Variants in RGS6 observed in about 807,000 individuals in gnomAD.
RGS6 encodes the protein regulator of G-protein signaling 6.
A neutral mutation model predicts 78.5 loss-of-function variants in RGS6; 30 were observed. That is an observed-to-expected ratio of 0.38 (90% CI 0.29 to 0.52). The LOEUF (loss-of-function observed/expected upper bound fraction) is 0.52, where lower values mean the gene tolerates loss of function less well. Among genes scored for constraint, RGS6 ranks in the 20% least tolerant of loss-of-function variants. RGS6 has a pLI of 0.85. For synonymous variants in RGS6, 206 were observed against 206.0 expected (o/e 1.00, Z 0.00); for missense variants, 495 against 609.7 (o/e 0.81, Z 1.98).
In RGS6 at chr14:72,460,122, A is replaced by T. The variant is rs56897907; in HGVS notation, c.394+439A>T. Among the ~76,000 whole-genome samples, 1,014 of 152,302 alleles carry T rather than the reference A, an allele frequency of 6.7e-3. 11 individuals carry two copies. Among genetic ancestry groups the T allele is most frequent in the African/African-American group, 0.023 (958 of 41,564 alleles). On this transcript the variant is annotated intron_variant, in intron 6 of 17. Transcript: ENST00000553525. The stretch of plus-strand genomic sequence containing the variant: ...CTAAGAACCTTTTGGTGTTCTTGAC[A>T]GTTGCAATTTAGAAAAGAGACAGAG...
At chr14:72,011,780 G>C (rs898652057) in intron 2 of RGS6, among the ~76,000 whole-genome samples, 5 of 151,994 alleles carry the variant, frequency 3.3e-5, no homozygotes, top group Non-Finnish European at 5.9e-5. Context: ...GTATCCTCTG[G>C]GGGGGTACTG....
intron 2 of RGS6, among the ~76,000 whole-genome samples, chr14:72,331,182 TCTTAGCATCTG>T (rs1485968739): frequency 1.3e-5 from 2 of 151,520 alleles, no homozygotes; most frequent in African/African-American, 4.9e-5. Flanking sequence ...TTTCATTTTC[TCTTAGCATCTG>T]CCCTGGCCTG....
At chr14:72,343,053 C>T (rs2077336301) in intron 2 of RGS6, among the ~76,000 whole-genome samples, 1 of 152,176 alleles carries the variant, frequency 6.6e-6, no homozygotes. Flanking sequence ...ACTGATTAGC[C>T]AAATATTTGC....
At chr14:72,102,907 TAATGGTGGAACAA>T (rs1456310769) in intron 2 of RGS6, among the ~76,000 whole-genome samples, 1 of 152,194 alleles carries the variant, frequency 6.6e-6, no homozygotes, top group Non-Finnish European at 1.5e-5. Context: ...GTTCGTGATT[TAATGGTGGAACAA>T]AACAGAATAT....
At chr14:72,537,736 TCTGTGGCTCAAGACCC>T (rs1418383959) in intron 16 of RGS6, 2 of 599,912 alleles carry the variant, frequency 3.3e-6, no homozygotes, top group Non-Finnish European at 5.9e-6. Context: ...TTTCTTATTT[TCTGTGGCTCAAGACCC>T]CTGATCTGAT....
intron 2 of RGS6, among the ~76,000 whole-genome samples, chr14:72,339,535 A>G (rs915961443): frequency 3.9e-5 from 6 of 152,182 alleles, no homozygotes; most frequent in Non-Finnish European, 8.8e-5. Context: ...GAGACCAGCC[A>G]ATTTAGAAAG....
intron 17 of RGS6, among the ~76,000 whole-genome samples, chr14:72,543,197 C>A (rs2097349389): frequency 6.6e-6 from 1 of 152,198 alleles, no homozygotes; most frequent in South Asian, 2.1e-4. Context: ...TACGTTCATC[C>A]AAAATGGAAA....
At chr14:71,916,224 A>G in the RGS6 span, among the ~76,000 whole-genome samples, 1 of 152,188 alleles carries the variant, frequency 6.6e-6, no homozygotes, top group Non-Finnish European at 1.5e-5. Context: ...GGCAAAATAG[A>G]TTGAAAACAA....
At chr14:72,428,919 C>T (rs978772455) in intron 3 of RGS6, among the ~76,000 whole-genome samples, 5 of 152,194 alleles carry the variant, frequency 3.3e-5, no homozygotes, top group Non-Finnish European at 7.3e-5. Context: ...GCTGAGCAAG[C>T]CTGAGAATGT....
At chr14:72,475,826 A>ACATG (rs1555424280) in intron 10 of RGS6, among the ~76,000 whole-genome samples, 2 of 84,118 alleles carry the variant, frequency 2.4e-5, no homozygotes, top group Non-Finnish European at 4.5e-5. Context: ...AAAAAAAAAT[A>ACATG]CACGCACACA....
chr14:72,579,584 G>A, the RGS6 span, among the ~76,000 whole-genome samples: 1 of 152,152 alleles, frequency 6.6e-6, no homozygotes, highest in Non-Finnish European at 1.5e-5. Context: ...CCACAGCCCA[G>A]GGATAATGAC....
intron 2 of RGS6, among the ~76,000 whole-genome samples, chr14:72,304,878 C>A (rs1384433444): frequency 3.4e-5 from 3 of 89,002 alleles, no homozygotes; most frequent in African/African-American, 5.4e-5. Flanking sequence ...GATTCTGTCT[C>A]AAAAAAATAA....
At chr14:71,993,312 AT>A (rs35329056) in intron 2 of RGS6, among the ~76,000 whole-genome samples, 61,038 of 151,784 alleles carry the variant, frequency 0.4, 12,537 homozygotes, top group Admixed American at 0.46. Flanking sequence ...TTGACAAAAT[AT>A]TTTTTTTAGA....
intron 1 of RGS6, among the ~76,000 whole-genome samples, chr14:71,945,319 C>A (rs2091344882): frequency 6.6e-6 from 1 of 152,138 alleles, no homozygotes; most frequent in Non-Finnish European, 1.5e-5. Context: ...CTTTTATTTC[C>A]TGTTGTAGAT....
intron 17 of RGS6, among the ~76,000 whole-genome samples, chr14:72,548,242 G>T (rs2097437584): frequency 6.6e-6 from 1 of 151,912 alleles, no homozygotes; most frequent in South Asian, 2.1e-4. Context: ...TGGCTCATTT[G>T]GTAGATAATG....
chr14:72,119,712 G>T (rs918535873), intron 2 of RGS6, among the ~76,000 whole-genome samples: 6 of 152,160 alleles, frequency 3.9e-5, no homozygotes, highest in African/African-American at 1.4e-4. Flanking sequence ...GGACTGCCTT[G>T]GTTCTCATAA....
intron 2 of RGS6, among the ~76,000 whole-genome samples, chr14:72,064,046 C>A (rs2094017359): frequency 6.6e-6 from 1 of 151,188 alleles, no homozygotes; most frequent in African/African-American, 2.4e-5. Flanking sequence ...GGGAGAGAGT[C>A]TAAGGATTCT....
intron 2 of RGS6, among the ~76,000 whole-genome samples, chr14:72,025,908 A>G (rs2089745155): frequency 6.6e-6 from 1 of 152,210 alleles, no homozygotes; most frequent in Non-Finnish European, 1.5e-5. Context: ...TGTAAGAATA[A>G]AGGGACAAAC....
chr14:72,319,011 A>C (rs557709763), intron 2 of RGS6, among the ~76,000 whole-genome samples: 11 of 152,356 alleles, frequency 7.2e-5, no homozygotes, highest in Admixed American at 5.9e-4. Context: ...CTATCCCACA[A>C]AACTGTCCTC....
Sources: gnomAD v4.1 joint callset for allele counts (sites outside exome capture counted in the v4.1 genomes callset) on GRCh38, gnomAD v4.1.1 for gene constraint, MANE v1.5 for transcripts, NCBI Gene and HGNC (gene_info 2026-07-23, HGNC 2026-07-21) for gene names.